The following AFF3 variants were observed in gnomAD, a reference collection of about 807,000 sequenced individuals.
The protein encoded by AFF3 is AF4/FMR2 family member 3.
Under a neutral mutation model 129.7 loss-of-function variants are expected in AFF3, and 32 were observed. That is an observed-to-expected ratio of 0.25 (90% CI 0.19 to 0.33). AFF3 has a LOEUF of 0.33. Among genes scored for constraint, AFF3 ranks in the 10% least tolerant of loss-of-function variants. AFF3 has a pLI of 1.00. For missense variants in AFF3, 1,373 were observed against 1,592.0 expected, an observed-to-expected ratio of 0.86 and a Z score of 2.34; for synonymous variants, 644 against 635.4, an observed-to-expected ratio of 1.01 and a Z score of -0.20.
chr2:99,793,547 T>C (rs1252514171), intron 8 of AFF3, among the ~76,000 whole-genome samples: 1 of 152,258 alleles, frequency 6.6e-6, no homozygotes, highest in East Asian at 1.9e-4. Context: ...CCCTAAGCTG[T>C]TGAATCTATT....
chr2:99,851,167 A>T (rs1364796700), intron 7 of AFF3, among the ~76,000 whole-genome samples: 1 of 152,202 alleles, frequency 6.6e-6, no homozygotes, highest in African/African-American at 2.4e-5. Context: ...CATTTATTAG[A>T]CATTTAACCC....
intron 7 of AFF3, 141 bp downstream of exon 7, chr2:100,006,491 T>C: frequency 2.8e-6 from 3 of 1,088,102 alleles, no homozygotes; most frequent in Non-Finnish European, 3.8e-6. Flanking sequence ...CTGCCTCCCC[T>C]TTCAGTGACT....
rs895353825 is a variant in AFF3, at chr2:99,785,159, G to A, written c.922-32858C>T. 1.2e-4 allele frequency among the ~76,000 whole-genome samples: 19 copies of A among 152,302 alleles called. 1 individual carries two copies. The highest frequency in any genetic ancestry group is 1.3e-4 in the Non-Finnish European group (9 of 68,022). ...GGAGAGTGAGTTCCAGTTACTGCAG[G>A]TCAGCCTGAATTGGCTTGTCTGTTC... On this transcript the variant is annotated intron_variant, in intron 8 of 24. Transcript: ENST00000672756.
chr2:99,865,725 C>A (rs1314438548), intron 7 of AFF3, among the ~76,000 whole-genome samples: 1 of 152,064 alleles, frequency 6.6e-6, no homozygotes, highest in African/African-American at 2.4e-5. Flanking sequence ...GTTTACAGAC[C>A]AAAGGCTCCA....
chr2:100,103,083 C>G (rs1238445666), intron 4 of AFF3, among the ~76,000 whole-genome samples: 5 of 152,030 alleles, frequency 3.3e-5, no homozygotes, highest in South Asian at 4.2e-4. Context: ...ATCATAGGAT[C>G]TTTTATAAGA....
At chr2:99,561,792 T>G (rs1675501318) in intron 20 of AFF3, among the ~76,000 whole-genome samples, 1 of 151,576 alleles carries the variant, frequency 6.6e-6, no homozygotes, top group African/African-American at 2.4e-5. Flanking sequence ...GCTCCCATAT[T>G]CCTTCTTTTG....
At chr2:99,646,034 C>T (rs1684658576) in intron 13 of AFF3, among the ~76,000 whole-genome samples, 1 of 152,186 alleles carries the variant, frequency 6.6e-6, no homozygotes, top group Non-Finnish European at 1.5e-5. Flanking sequence ...CAGGTCAGAT[C>T]TCAAGGCTTT....
intron 11 of AFF3, among the ~76,000 whole-genome samples, chr2:99,725,455 G>A (rs1299570471): frequency 7.9e-5 from 12 of 152,042 alleles, no homozygotes; most frequent in South Asian, 2.1e-4. Context: ...TCAGCCTCCC[G>A]TGTAGCTGGG....
chr2:100,051,641 A>G (rs1173126071), intron 4 of AFF3, among the ~76,000 whole-genome samples: 3 of 152,172 alleles, frequency 2.0e-5, no homozygotes, highest in Non-Finnish European at 4.4e-5. Context: ...GTTAATATAG[A>G]GTTTAAATTA....
At chr2:99,922,005 T>C (rs1451301092) in intron 7 of AFF3, among the ~76,000 whole-genome samples, 1 of 152,072 alleles carries the variant, frequency 6.6e-6, no homozygotes, top group Non-Finnish European at 1.5e-5. Context: ...AAAGCCACAA[T>C]GAGATACCAA....
chr2:99,985,578 C>G (rs942557790), intron 7 of AFF3, among the ~76,000 whole-genome samples: 1 of 152,042 alleles, frequency 6.6e-6, no homozygotes, highest in Non-Finnish European at 1.5e-5. Flanking sequence ...ATGGAACCAC[C>G]CCACTACCAT....
rs1240349533 is a variant in AFF3, at chr2:99,582,302, T to C, written c.2793+496A>G. On this transcript the variant is annotated intron_variant, in intron 17 of 24. Transcript: ENST00000672756. ...GATTGTGAACCCAAGTCCCCTGCTC[T>C]TCCCCTGGGGCGTGCTGGAATCACC... 2.6e-5 allele frequency among the ~76,000 whole-genome samples: 4 copies of C among 152,152 alleles called. No individual in the cohort carries two copies. The East Asian group carries it at 7.7e-4, about 29-fold the overall frequency.
rs1396176181 is a variant in AFF3, at chr2:100,017,759, G to A, written c.54-8827C>T. ...TTACAGTGGAGAAACAAGAGGCTCT[G>A]AGGTTAACTAACTTGTCCAAGTCCC... On this transcript the variant is annotated intron_variant, in intron 4 of 24. Transcript: ENST00000672756. Among the ~76,000 whole-genome samples, 6 of 152,300 alleles carry A rather than the reference G, an allele frequency of 3.9e-5. No homozygotes were observed. The South Asian group carries it at 6.2e-4, about 16-fold the overall frequency.
At chr2:99,818,520 CT>C (rs1189944369) in intron 8 of AFF3, among the ~76,000 whole-genome samples, 2 of 152,152 alleles carry the variant, frequency 1.3e-5, no homozygotes, top group Non-Finnish European at 2.9e-5. Flanking sequence ...GAGCCTATCT[CT>C]TTGGCAACTC....
At chr2:99,678,953 C>G (rs1318019131) in intron 11 of AFF3, among the ~76,000 whole-genome samples, 1 of 152,226 alleles carries the variant, frequency 6.6e-6, no homozygotes, top group Non-Finnish European at 1.5e-5. Flanking sequence ...CCACCTTCTT[C>G]TCAGCGTTTG....
In AFF3 at chr2:100,025,694, A is replaced by C. The variant is rs111945357; in HGVS notation, c.54-16762T>G. On this transcript the variant is annotated intron_variant, in intron 4 of 24. Coordinates refer to ENST00000672756, the MANE Select transcript of AFF3 (RefSeq NM_001386135.1). The stretch of plus-strand genomic sequence containing the variant: ...CAAAACAGCATGGTACTGGTATAAA[A>C]ATAGGCACATAGACCAATGGAACAG... Among the ~76,000 whole-genome samples the C allele has an allele frequency of 2.4e-3, 359 of 152,328 alleles. 5 individuals are homozygous for C. Among genetic ancestry groups the C allele is most frequent in the African/African-American group, 8.1e-3 (338 of 41,568 alleles).
At chr2:100,094,415 T>C (rs1436097949) in intron 4 of AFF3, among the ~76,000 whole-genome samples, 2 of 152,282 alleles carry the variant, frequency 1.3e-5, no homozygotes, top group East Asian at 1.9e-4. Context: ...ATCCCACACA[T>C]GCTCGGTTCA....
intron 4 of AFF3, among the ~76,000 whole-genome samples, chr2:100,054,113 G>C (rs1287227485): frequency 6.6e-6 from 1 of 152,178 alleles, no homozygotes; most frequent in Non-Finnish European, 1.5e-5. Context: ...CTGCTGAACA[G>C]TGTGGCAGGA....
chr2:99,751,384 T>C (rs1445257540), intron 9 of AFF3, among the ~76,000 whole-genome samples: 1 of 152,244 alleles, frequency 6.6e-6, no homozygotes, highest in East Asian at 1.9e-4. Context: ...TGAGTCATCA[T>C]GCCTGACCAG....
Sources: allele counts gnomAD v4.1 joint callset (sites outside exome capture counted in the v4.1 genomes callset), GRCh38; gene constraint gnomAD v4.1.1; transcripts MANE v1.5; gene names NCBI Gene and HGNC (gene_info 2026-07-23, HGNC 2026-07-21).